CA10: variants seen among roughly 807,000 people sequenced by gnomAD.
The protein encoded by CA10 is carbonic anhydrase 10 (inactive), also known as carbonic anhydrase-related protein 10.
A neutral mutation model predicts 44.2 loss-of-function variants in CA10; 14 were observed. The observed-to-expected ratio is 0.32, with a 90% CI of 0.21 to 0.50. The LOEUF is 0.50. Among genes scored for constraint, CA10 ranks in the 20% least tolerant of loss-of-function variants. The probability of loss-of-function intolerance (pLI) is 0.99; values close to 1 mark genes in which losing one functional copy is unlikely to be tolerated. For synonymous variants in CA10, 159 were observed against 141.6 expected (o/e 1.12, Z -0.87); for missense variants, 350 against 409.7 (o/e 0.85, Z 1.26).
intron 3 of CA10, among the ~76,000 whole-genome samples, chr17:51,798,871 A>C (rs968465710): frequency 6.6e-6 from 1 of 152,238 alleles, no homozygotes; most frequent in Non-Finnish European, 1.5e-5. Context: ...TTCATAATTA[A>C]AATTTTATGC....
intron 1 of CA10, among the ~76,000 whole-genome samples, chr17:52,101,916 A>AT (rs1192735100): frequency 2.6e-5 from 4 of 151,354 alleles, no homozygotes; most frequent in Non-Finnish European, 5.9e-5. Context: ...CTTTCCTTCC[A>AT]TTTTTTTTCT....
chr17:51,680,045 A>G (rs889985059), intron 4 of CA10, among the ~76,000 whole-genome samples: 3 of 152,202 alleles, frequency 2.0e-5, no homozygotes, highest in Non-Finnish European at 2.9e-5. Context: ...AGTAGTTGCA[A>G]CTGAGACCAT....
intron 4 of CA10, among the ~76,000 whole-genome samples, chr17:51,715,289 C>G (rs1400442352): frequency 6.6e-6 from 1 of 151,926 alleles, no homozygotes; most frequent in East Asian, 1.9e-4. Flanking sequence ...ATGGGTGCAG[C>G]ACACCAACAT....
At chr17:51,679,263 T>A in intron 4 of CA10, among the ~76,000 whole-genome samples, 1 of 117,690 alleles carries the variant, frequency 8.5e-6, no homozygotes, top group Non-Finnish European at 1.8e-5. Flanking sequence ...TTTTTCTTTC[T>A]CTTTTTTTTT....
intron 2 of CA10, among the ~76,000 whole-genome samples, chr17:51,971,787 A>T (rs1020526219): frequency 1.3e-5 from 2 of 152,068 alleles, no homozygotes; most frequent in African/African-American, 2.4e-5. Flanking sequence ...TAAAATAAAG[A>T]TGCTAGAGAT....
intron 2 of CA10, among the ~76,000 whole-genome samples, chr17:52,034,132 T>C (rs1290896133): frequency 6.6e-6 from 1 of 152,188 alleles, no homozygotes; most frequent in African/African-American, 2.4e-5. Flanking sequence ...TGCCTATAGT[T>C]AACAGTATTG....
chr17:51,869,700 A>G (rs771311645), intron 3 of CA10, among the ~76,000 whole-genome samples: 9 of 152,160 alleles, frequency 5.9e-5, no homozygotes, highest in Non-Finnish European at 8.8e-5. Flanking sequence ...ACTTGAGGTC[A>G]AGAGCTTGAG....
intron 2 of CA10, among the ~76,000 whole-genome samples, chr17:52,036,277 C>T (rs188899813): frequency 3.2e-4 from 48 of 152,258 alleles, no homozygotes; most frequent in Non-Finnish European, 3.2e-4. Flanking sequence ...AGGCTTCATT[C>T]GAAATCTTGT....
At position 51,732,923 on chromosome 17, in the gene CA10, G is replaced by C. The variant is rs79533148; in HGVS notation, c.465+14710C>G. Among the ~76,000 whole-genome samples the C allele has an allele frequency of 5.9e-3, 897 of 152,312 alleles. 6 individuals carry two copies. The highest frequency in any genetic ancestry group is 0.02 in the African/African-American group (851 of 41,566). ...CATGCAGAGATGGGCAATGGAGTAGGAGTGAGTCCCTGGCTTATAACCTTG... is the reference window on the plus strand; with the variant it reads ...CATGCAGAGATGGGCAATGGAGTAGCAGTGAGTCCCTGGCTTATAACCTTG... On this transcript the variant is annotated intron_variant, in intron 4 of 8. Transcript: ENST00000451037.
At chr17:51,644,800 CTT>C (rs148441183) in intron 6 of CA10, among the ~76,000 whole-genome samples, 26 of 121,084 alleles carry the variant, frequency 2.1e-4, no homozygotes, top group South Asian at 1.7e-3. Flanking sequence ...CATTTCTTGG[CTT>C]TTTTTTTTTT....
At chr17:52,061,438 G>A (rs1439314162) in intron 2 of CA10, among the ~76,000 whole-genome samples, 1 of 152,094 alleles carries the variant, frequency 6.6e-6, no homozygotes, top group Non-Finnish European at 1.5e-5. Context: ...CTTTTAAAAT[G>A]GTAAGATAAT....
intron 2 of CA10, among the ~76,000 whole-genome samples, chr17:52,021,884 CAT>C (rs763383619): frequency 2.6e-5 from 4 of 152,066 alleles, no homozygotes; most frequent in Non-Finnish European, 5.9e-5. Context: ...AGAACAATAA[CAT>C]GTGCCAGAAT....
At chr17:52,105,719 C>G (rs1007535703) in intron 1 of CA10, among the ~76,000 whole-genome samples, 1 of 152,158 alleles carries the variant, frequency 6.6e-6, no homozygotes, top group African/African-American at 2.4e-5. Context: ...CTAAGTGATA[C>G]CTTATTAACA....
At chr17:51,661,590 T>C (rs1914010881) in intron 4 of CA10, 1 of 152,218 alleles carries the variant, frequency 6.6e-6, no homozygotes. Flanking sequence ...TAAGCTACTA[T>C]TGTTGTTGTT....
intron 1 of CA10, among the ~76,000 whole-genome samples, chr17:52,147,261 G>T (rs979706612): frequency 1.8e-4 from 28 of 151,732 alleles, no homozygotes; most frequent in Admixed American, 1.6e-3. Context: ...CTGATTCCAG[G>T]CTTCACTCAT....
At chr17:51,950,100 C>T (rs540417468) in intron 2 of CA10, among the ~76,000 whole-genome samples, 49 of 152,262 alleles carry the variant, frequency 3.2e-4, no homozygotes, top group Admixed American at 3.3e-4. Context: ...GACCTTCTTA[C>T]TGATCATTAG....
intron 3 of CA10, among the ~76,000 whole-genome samples, chr17:51,799,832 G>A: frequency 6.6e-6 from 1 of 152,146 alleles, no homozygotes; most frequent in Non-Finnish European, 1.5e-5. Context: ...ATTCCCACTA[G>A]GGTGGTTGAA....
chr17:52,015,827 C>T (rs769601242), intron 2 of CA10, among the ~76,000 whole-genome samples: 1 of 152,098 alleles, frequency 6.6e-6, no homozygotes, highest in Non-Finnish European at 1.5e-5. Context: ...AAGTCCTAGG[C>T]TACATGTTGT....
intron 1 of CA10, among the ~76,000 whole-genome samples, chr17:52,090,815 T>C (rs1326323375): frequency 6.6e-6 from 1 of 152,084 alleles, no homozygotes; most frequent in African/African-American, 2.4e-5. Context: ...AACTGGAACG[T>C]GGTGTAAAAC....
Sources: allele counts gnomAD v4.1 joint callset (sites outside exome capture counted in the v4.1 genomes callset), GRCh38; gene constraint gnomAD v4.1.1; transcripts MANE v1.5; gene names NCBI Gene and HGNC (gene_info 2026-07-23, HGNC 2026-07-21).